SLC8A1: variants seen among roughly 807,000 people sequenced by gnomAD.
SLC8A1 encodes the protein solute carrier family 8 member A1, also known as sodium/calcium exchanger 1.
SLC8A1 carries 18 observed loss-of-function variants against 68.3 expected under a neutral mutation model. The ratio of observed to expected loss-of-function variants is 0.26; its 90% CI spans 0.18 to 0.39. SLC8A1 has a LOEUF of 0.39. Ranked by LOEUF, SLC8A1 falls within the 10% of genes least tolerant of loss-of-function variation. The pLI, the probability that SLC8A1 is intolerant of heterozygous loss-of-function variation, is 1.00. For synonymous variants in SLC8A1, 475 were observed against 415.5 expected, an observed-to-expected ratio of 1.14 and a Z score of -1.74; for missense variants, 985 against 1,156.7, an observed-to-expected ratio of 0.85 and a Z score of 2.15.
chr2:40,122,231 C>CGT (rs1553339273), intron 7 of SLC8A1, among the ~76,000 whole-genome samples: 3 of 110,694 alleles, frequency 2.7e-5, no homozygotes, highest in Admixed American at 1.0e-4. Context: ...CACACGTGTG[C>CGT]GCGCGCACAC....
At chr2:40,248,522 T>TG (rs1405312731) in intron 2 of SLC8A1, among the ~76,000 whole-genome samples, 2 of 152,174 alleles carry the variant, frequency 1.3e-5, no homozygotes, top group East Asian at 3.8e-4. Flanking sequence ...GCCTAGACCT[T>TG]GGACTTTCTA....
At chr2:40,189,225 G>A (rs143896703) in intron 2 of SLC8A1, among the ~76,000 whole-genome samples, 19 of 152,272 alleles carry the variant, frequency 1.2e-4, no homozygotes, top group African/African-American at 3.1e-4. Flanking sequence ...ATAATAGTCC[G>A]TATTAGCCAG....
At position 40,234,996 on chromosome 2, in the gene SLC8A1, T is replaced by G. The variant is rs954333592; in HGVS notation, c.1809-57141A>C. ...GCTTTTTGATGTGCTGCTGGATTCG[T>G]TTTGCCAGTATTTTATTGAGGATTT... On this transcript the variant is annotated intron_variant, in intron 2 of 7. Coordinates refer to ENST00000406785, the Ensembl canonical transcript of SLC8A1. Among the ~76,000 whole-genome samples, 43 of 152,248 alleles carry G rather than the reference T, an allele frequency of 2.8e-4. No homozygotes were observed. In the East Asian group the frequency reaches 5.0e-3, roughly 18 times the overall value.
At chr2:40,399,051 C>A (rs976748558) in intron 2 of SLC8A1, among the ~76,000 whole-genome samples, 2 of 152,182 alleles carry the variant, frequency 1.3e-5, no homozygotes, top group Admixed American at 1.3e-4. Context: ...GAGAAAGCAT[C>A]TGTCAGAGAT....
intron 1 of SLC8A1, among the ~76,000 whole-genome samples, chr2:40,477,022 A>G (rs1391706769): frequency 1.3e-5 from 2 of 152,174 alleles, no homozygotes; most frequent in Non-Finnish European, 2.9e-5. Flanking sequence ...ATGTTCTGGA[A>G]AATACAGGAA....
At chr2:40,180,149 C>T (rs1177242563) in intron 2 of SLC8A1, among the ~76,000 whole-genome samples, 1 of 151,780 alleles carries the variant, frequency 6.6e-6, no homozygotes, top group Non-Finnish European at 1.5e-5. Context: ...TACAAAACTA[C>T]CAACAGTATG....
intron 2 of SLC8A1, among the ~76,000 whole-genome samples, chr2:40,414,101 T>TA (rs145103132): frequency 0.053 from 8,015 of 152,290 alleles, 289 homozygotes; most frequent in Non-Finnish European, 0.082. Context: ...TTCTCTAATA[T>TA]AAATGTGTTG....
At chr2:40,172,350 C>G (rs1413157034) in intron 4 of SLC8A1, among the ~76,000 whole-genome samples, 1 of 152,134 alleles carries the variant, frequency 6.6e-6, no homozygotes, top group African/African-American at 2.4e-5. Flanking sequence ...CTTGTTCTAA[C>G]TGCATTAATT....
chr2:40,469,131 A>G (rs1213559359), intron 1 of SLC8A1, among the ~76,000 whole-genome samples: 2 of 152,168 alleles, frequency 1.3e-5, no homozygotes, highest in African/African-American at 4.8e-5. Flanking sequence ...GTTTGAAAGA[A>G]TAATGATTCA....
At chr2:40,182,345 G>A (rs2148592111) in intron 2 of SLC8A1, among the ~76,000 whole-genome samples, 1 of 152,148 alleles carries the variant, frequency 6.6e-6, no homozygotes, top group South Asian at 2.1e-4. Context: ...CTTTTTTACA[G>A]CTTTTCAAAT....
chr2:40,490,702 C>A (rs957769631), intron 1 of SLC8A1, among the ~76,000 whole-genome samples: 1 of 151,990 alleles, frequency 6.6e-6, no homozygotes. Context: ...AAGAATAAAA[C>A]TCAAAATGAA....
In SLC8A1 at chr2:40,503,159, C is replaced by T. The variant is rs561514189; in HGVS notation, c.-25+9190G>A. On this transcript the variant is annotated intron_variant, in intron 1 of 7. Transcript: ENST00000402441. ...TCAATAAAGAGTAAACAAAAGAAAA[C>T]AACAAAGCACCTTTTGTAATAATGA... Among the ~76,000 whole-genome samples the T allele has an allele frequency of 9.2e-5, 14 of 152,030 alleles. No individual in the cohort carries two copies. The South Asian group carries it at 2.5e-3, about 27-fold the overall frequency.
At chr2:40,395,981 T>C (rs372436680) in intron 2 of SLC8A1, among the ~76,000 whole-genome samples, 1 of 152,168 alleles carries the variant, frequency 6.6e-6, no homozygotes, top group African/African-American at 2.4e-5. Context: ...ATATTTCTTA[T>C]TATTTTCTTC....
chr2:40,197,941 A>C (rs1476011048), intron 2 of SLC8A1, among the ~76,000 whole-genome samples: 1 of 151,912 alleles, frequency 6.6e-6, no homozygotes, highest in East Asian at 1.9e-4. Context: ...GTGGAAAGAA[A>C]GCAGTGCCTC....
intron 2 of SLC8A1, among the ~76,000 whole-genome samples, chr2:40,372,551 G>T (rs540218998): frequency 6.6e-6 from 1 of 152,212 alleles, no homozygotes; most frequent in Admixed American, 6.5e-5. Flanking sequence ...CCCCATGAAG[G>T]CAAGCAATAT....
At chr2:40,372,687 A>T (rs1678517260) in intron 2 of SLC8A1, among the ~76,000 whole-genome samples, 1 of 152,066 alleles carries the variant, frequency 6.6e-6, no homozygotes, top group African/African-American at 2.4e-5. Context: ...ATTTTCCTGC[A>T]TTCTTTCTAT....
chr2:40,141,852 A>C (rs1035741540), intron 6 of SLC8A1, among the ~76,000 whole-genome samples: 1 of 152,202 alleles, frequency 6.6e-6, no homozygotes, highest in Admixed American at 6.5e-5. Context: ...TGGGATGCAC[A>C]GGGAGATACC....
intron 2 of SLC8A1, among the ~76,000 whole-genome samples, chr2:40,186,197 T>C (rs78157996): frequency 2.0e-5 from 3 of 152,358 alleles, no homozygotes; most frequent in South Asian, 4.1e-4. Context: ...ATTATAATCA[T>C]AAGGAGGCCT....
At chr2:40,172,857 G>T (rs1025662713) in intron 4 of SLC8A1, among the ~76,000 whole-genome samples, 14 of 152,204 alleles carry the variant, frequency 9.2e-5, no homozygotes, top group African/African-American at 1.2e-4. Flanking sequence ...CAGGAGAATC[G>T]CTTGAACCCT....
Sources: gnomAD v4.1 joint callset for allele counts (sites outside exome capture counted in the v4.1 genomes callset) on GRCh38, gnomAD v4.1.1 for gene constraint, MANE v1.5 for transcripts, NCBI Gene and HGNC (gene_info 2026-07-23, HGNC 2026-07-21) for gene names.